Variants in CPNE4 observed in about 807,000 individuals in gnomAD.
CPNE4 encodes copine 4.
CPNE4 carries 25 observed loss-of-function variants against 67.9 expected under a neutral mutation model. The observed-to-expected ratio is 0.37, with a 90% confidence interval of 0.27 to 0.51. The LOEUF (loss-of-function observed/expected upper bound fraction) is 0.51. CPNE4 is among the 20% of genes least tolerant of loss of function. CPNE4 has a pLI of 0.93. For synonymous variants in CPNE4, 242 were observed against 244.9 expected, an observed-to-expected ratio of 0.99 and a Z score of 0.11; for missense variants, 464 against 690.8, an observed-to-expected ratio of 0.67 and a Z score of 3.68.
At chr3:131,685,651 G>A (rs1245226236) in intron 6 of CPNE4, among the ~76,000 whole-genome samples, 1 of 152,082 alleles carries the variant, frequency 6.6e-6, no homozygotes. Flanking sequence ...GCGTGGTGGT[G>A]GGTGCCTGTA....
At chr3:131,555,402 G>T (rs1446914232) in intron 12 of CPNE4, 95 bp downstream of exon 12, 2 of 1,043,176 alleles carry the variant, frequency 1.9e-6, no homozygotes, top group African/African-American at 1.6e-5. Context: ...GACACAGTTA[G>T]GTCAGAGTCA....
rs540136273 is a variant in CPNE4, at chr3:131,610,766, T to C, written c.682-23184A>G. Among the ~76,000 whole-genome samples, 6 of 152,334 alleles carry C rather than the reference T, an allele frequency of 3.9e-5. No homozygotes were observed. The South Asian group carries it at 1.2e-3, about 32-fold the overall frequency. Reference sequence around the variant, plus strand: ...AGGGTTGCTTCTGGAGGACCTGACCTAAGATTGGCATCTTACTCAGTCCAG... The same window carrying C: ...AGGGTTGCTTCTGGAGGACCTGACCCAAGATTGGCATCTTACTCAGTCCAG... On this transcript the variant is annotated intron_variant, in intron 7 of 15. Coordinates refer to ENST00000429747, the MANE Select transcript of CPNE4 (RefSeq NM_130808.3).
chr3:131,844,857 A>C (rs2085936473), intron 2 of CPNE4, among the ~76,000 whole-genome samples: 1 of 152,182 alleles, frequency 6.6e-6, no homozygotes. Flanking sequence ...GAAGTTCTTC[A>C]AAACTTCATG....
At chr3:131,791,509 T>C (rs1294109337) in intron 2 of CPNE4, among the ~76,000 whole-genome samples, 3 of 152,184 alleles carry the variant, frequency 2.0e-5, no homozygotes, top group African/African-American at 4.8e-5. Flanking sequence ...AATGGCCCCT[T>C]GTTTAGCACT....
intron 5 of CPNE4, among the ~76,000 whole-genome samples, chr3:131,692,862 T>A (rs895568113): frequency 6.6e-6 from 1 of 152,158 alleles, no homozygotes; most frequent in Non-Finnish European, 1.5e-5. Context: ...ATGAATACTT[T>A]CTCAAGAATG....
intron 5 of CPNE4, among the ~76,000 whole-genome samples, chr3:131,695,898 T>G (rs2081145302): frequency 6.6e-6 from 1 of 152,226 alleles, no homozygotes; most frequent in South Asian, 2.1e-4. Flanking sequence ...TGTGGATATA[T>G]TATTACTATA....
chr3:132,013,983 GA>G (rs1280529075), intron 1 of CPNE4, among the ~76,000 whole-genome samples: 1 of 152,184 alleles, frequency 6.6e-6, no homozygotes, highest in African/African-American at 2.4e-5. Flanking sequence ...TAGTGACTCT[GA>G]GAGGAGGGAA....
chr3:131,928,796 G>A (rs2070968681), intron 1 of CPNE4, among the ~76,000 whole-genome samples: 1 of 152,210 alleles, frequency 6.6e-6, no homozygotes, highest in South Asian at 2.1e-4. Context: ...GCTAGGGGAA[G>A]CTGCCATTTG....
intron 2 of CPNE4, among the ~76,000 whole-genome samples, chr3:131,757,435 G>A (rs1295904721): frequency 3.9e-5 from 6 of 152,196 alleles, no homozygotes; most frequent in African/African-American, 1.4e-4. Context: ...CTTTGAACTT[G>A]AGAGAGATGA....
intron 3 of CPNE4, among the ~76,000 whole-genome samples, chr3:131,705,048 T>TCC (rs2081384746): frequency 1.2e-5 from 1 of 81,896 alleles, no homozygotes; most frequent in Non-Finnish European, 2.4e-5. Flanking sequence ...CCTCCCTCCC[T>TCC]CCCTTCCTAC....
intron 14 of CPNE4, among the ~76,000 whole-genome samples, chr3:131,544,749 C>A (rs2107633883): frequency 6.6e-6 from 1 of 152,208 alleles, no homozygotes; most frequent in African/African-American, 2.4e-5. Context: ...GTCACCCTCT[C>A]TAGAGTGCAC....
At chr3:131,967,147 G>T (rs149233985) in intron 1 of CPNE4, among the ~76,000 whole-genome samples, 2,442 of 152,272 alleles carry the variant, frequency 0.016, 23 homozygotes, top group Middle Eastern at 0.041. Context: ...AATAGATGCA[G>T]AAAAGGCCTT....
chr3:131,915,287 T>A (rs2089142931), intron 1 of CPNE4, among the ~76,000 whole-genome samples: 1 of 152,194 alleles, frequency 6.6e-6, no homozygotes, highest in African/African-American at 2.4e-5. Context: ...CCTATTCCAA[T>A]CCCAATAAAT....
chr3:131,926,189 AC>A (rs2070888716), intron 1 of CPNE4, among the ~76,000 whole-genome samples: 1 of 152,192 alleles, frequency 6.6e-6, no homozygotes, highest in Non-Finnish European at 1.5e-5. Context: ...AGAGGGGTTA[AC>A]AAAAAAATTG....
chr3:131,825,636 C>T (rs2085128435), intron 2 of CPNE4, among the ~76,000 whole-genome samples: 1 of 152,082 alleles, frequency 6.6e-6, no homozygotes, highest in South Asian at 2.1e-4. Flanking sequence ...TCATTTCAAA[C>T]TGAAAAAGAT....
chr3:131,816,341 T>C (rs139774227), intron 2 of CPNE4, among the ~76,000 whole-genome samples: 16 of 152,346 alleles, frequency 1.1e-4, no homozygotes, highest in African/African-American at 2.6e-4. Context: ...TTCTTTTTAT[T>C]GTTGTTACTT....
chr3:131,734,003 G>A (rs2107765487), intron 2 of CPNE4, among the ~76,000 whole-genome samples: 1 of 152,350 alleles, frequency 6.6e-6, no homozygotes, highest in East Asian at 1.9e-4. Flanking sequence ...CCAAGGAAGG[G>A]TGAAGTGATG....
chr3:131,621,961 G>A (rs2107760768), intron 7 of CPNE4, among the ~76,000 whole-genome samples: 1 of 149,804 alleles, frequency 6.7e-6, no homozygotes, highest in African/African-American at 2.5e-5. Context: ...TGCAGTTGCA[G>A]GGAGCCGAGA....
chr3:131,838,959 TA>T (rs916861754), intron 2 of CPNE4, among the ~76,000 whole-genome samples: 2 of 151,786 alleles, frequency 1.3e-5, no homozygotes, highest in South Asian at 2.1e-4. Flanking sequence ...TTTCAGCTAA[TA>T]AAAAAAGCCT....
Sources: gnomAD v4.1 joint callset for allele counts (sites outside exome capture counted in the v4.1 genomes callset) on GRCh38, gnomAD v4.1.1 for gene constraint, MANE v1.5 for transcripts, NCBI Gene and HGNC (gene_info 2026-07-23, HGNC 2026-07-21) for gene names.